SUCLG2: variants seen among roughly 807,000 people sequenced by gnomAD.
SUCLG2 encodes the protein succinate--CoA ligase [GDP-forming] subunit beta, mitochondrial.
SUCLG2 carries 42 observed loss-of-function variants against 47.9 expected under a neutral mutation model. That is an observed-to-expected ratio of 0.88 (90% confidence interval 0.69 to 1.14). SUCLG2 has a LOEUF of 1.14. SUCLG2 is among the 50% of genes most tolerant of loss of function. SUCLG2 has a pLI of 0.00. For missense variants in SUCLG2, 571 were observed against 525.9 expected (o/e 1.09, Z -0.84); for synonymous variants, 195 against 197.3 (o/e 0.99, Z 0.10).
chr3:67,383,757 A>G (rs1440982257), intron 10 of SUCLG2, among the ~76,000 whole-genome samples: 7 of 152,180 alleles, frequency 4.6e-5, no homozygotes, highest in African/African-American at 1.2e-4. Context: ...TTAACCCTTG[A>G]AAAAAAGCAA....
chr3:67,589,814 G>C (rs937672799), intron 2 of SUCLG2, among the ~76,000 whole-genome samples: 1 of 152,152 alleles, frequency 6.6e-6, no homozygotes, highest in African/African-American at 2.4e-5. Context: ...CACAGGCTAG[G>C]GGGAGGTAAT....
intron 9 of SUCLG2, among the ~76,000 whole-genome samples, chr3:67,465,320 A>T (rs1322515465): frequency 2.0e-5 from 3 of 152,072 alleles, no homozygotes; most frequent in Non-Finnish European, 4.4e-5. Context: ...CTTCACTCTC[A>T]GCGCCTCCTC....
At chr3:67,466,624 G>C (rs1205616761) in intron 9 of SUCLG2, among the ~76,000 whole-genome samples, 1 of 152,198 alleles carries the variant, frequency 6.6e-6, no homozygotes, top group African/African-American at 2.4e-5. Flanking sequence ...CATCCGGCAA[G>C]ATGAGATGAC....
chr3:67,431,724 A>G (rs1280340252), intron 9 of SUCLG2, among the ~76,000 whole-genome samples: 2 of 130,460 alleles, frequency 1.5e-5, no homozygotes, highest in Non-Finnish European at 3.2e-5. Context: ...AACATCACAC[A>G]CCGGGGCATG....
intron 9 of SUCLG2, among the ~76,000 whole-genome samples, chr3:67,440,364 A>T (rs555518682): frequency 2.0e-5 from 3 of 152,238 alleles, no homozygotes; most frequent in Non-Finnish European, 4.4e-5. Context: ...TGGCAACAAA[A>T]GCCAAAATTG....
chr3:67,383,550 A>G (rs188324973), intron 10 of SUCLG2, among the ~76,000 whole-genome samples: 426 of 152,280 alleles, frequency 2.8e-3, no homozygotes, highest in African/African-American at 9.6e-3. Context: ...TCAACACTCG[A>G]GGTGTGAATG....
chr3:67,457,117 T>A (rs967783138), intron 9 of SUCLG2, among the ~76,000 whole-genome samples: 3 of 151,352 alleles, frequency 2.0e-5, no homozygotes, highest in Non-Finnish European at 4.4e-5. Context: ...CATAAGACAA[T>A]CTAATGACTT....
intron 10 of SUCLG2, among the ~76,000 whole-genome samples, chr3:67,400,208 T>A (rs1425072949): frequency 6.6e-6 from 1 of 151,872 alleles, no homozygotes; most frequent in Non-Finnish European, 1.5e-5. Context: ...TACTAAAAAT[T>A]TTTTAAAATA....
At position 67,443,356 on chromosome 3, in the gene SUCLG2, C is replaced by CG. The variant is rs1298161910; in HGVS notation, c.1063-42506_1063-42505insC. Among the ~76,000 whole-genome samples, 4 of 60,242 alleles carry CG rather than the reference C, an allele frequency of 6.6e-5. 2 individuals carry two copies. The highest frequency in any genetic ancestry group is 1.2e-4 in the African/African-American group (2 of 16,672). The allele number at this position is 60,242 out of a possible 152,430, so 39.5% of individuals were successfully genotyped here. The stretch of plus-strand genomic sequence containing the variant: ...TCTTTGCCGCCGCGCCGGCGAGCGC[C>CG]CCTCGGGAGGCAGCGGCTGGAGGAG... On this transcript the variant is annotated intron_variant, in intron 9 of 10. Coordinates refer to ENST00000307227, the MANE Select transcript of SUCLG2 (RefSeq NM_003848.4).
chr3:67,587,666 A>T (rs2363091), intron 2 of SUCLG2, among the ~76,000 whole-genome samples: 141,076 of 152,248 alleles, frequency 0.93, 65,673 homozygotes, highest in East Asian at 0.99. Flanking sequence ...ATAACATGAG[A>T]TTGTACTGAA....
intron 10 of SUCLG2, chr3:67,376,562 A>G: frequency 1.1e-6 from 1 of 925,210 alleles, no homozygotes; most frequent in Non-Finnish European, 1.3e-6. Context: ...ATCCTACATC[A>G]TTTCCTGTGC....
rs779161675 is a variant in SUCLG2, at chr3:67,375,761, T to C, written c.1282A>G (p.Ser428Gly). The change falls in exon 11 of 11, where the codon AGT becomes GGT. Residue 428 changes from serine to glycine, a missense_variant. Coordinates refer to ENST00000307227, the MANE Select transcript of SUCLG2 (RefSeq NM_003848.4). Reference protein sequence around the residue: ...LEDAAKKAVASVAKK With the variant: ...LEDAAKKAVAGVAKK ...CAAAGACATCACTTCTTGGCCACAC[T>C]GGCCACAGCCTTCTTGGCTGCATCC... 2.5e-6 allele frequency: 4 copies of C among 1,613,346 alleles called. No homozygotes were observed. The highest frequency in any genetic ancestry group is 1.1e-5 in the South Asian group (1 of 90,948).
At chr3:67,438,731 T>C (rs1296077105) in intron 9 of SUCLG2, among the ~76,000 whole-genome samples, 2 of 152,130 alleles carry the variant, frequency 1.3e-5, no homozygotes, top group African/African-American at 2.4e-5. Flanking sequence ...GCTCTGAAAT[T>C]GAGGCAGTAA....
chr3:67,370,914 G>C (rs576274706), downstream of SUCLG2, among the ~76,000 whole-genome samples: 15 of 152,084 alleles, frequency 9.9e-5, no homozygotes, highest in African/African-American at 3.6e-4. Context: ...TTGTGATGTC[G>C]TTTCTGCTTT....
At chr3:67,514,625 G>C (rs1705891844) in intron 6 of SUCLG2, among the ~76,000 whole-genome samples, 1 of 152,120 alleles carries the variant, frequency 6.6e-6, no homozygotes, top group South Asian at 2.1e-4. Context: ...AGACACACTT[G>C]ACAAACTTGT....
intron 9 of SUCLG2, among the ~76,000 whole-genome samples, chr3:67,487,611 G>C (rs1705091469): frequency 6.6e-6 from 1 of 151,892 alleles, no homozygotes; most frequent in Non-Finnish European, 1.5e-5. Flanking sequence ...AAGTCATAAA[G>C]AGGCATTACA....
At chr3:67,391,715 G>A (rs907020108) in intron 10 of SUCLG2, among the ~76,000 whole-genome samples, 1 of 152,170 alleles carries the variant, frequency 6.6e-6, no homozygotes, top group African/African-American at 2.4e-5. Flanking sequence ...GCCCTTAGCT[G>A]AGTGGTGGAA....
intron 10 of SUCLG2, among the ~76,000 whole-genome samples, chr3:67,391,938 C>T (rs56836042): frequency 0.057 from 8,663 of 152,226 alleles, 314 homozygotes; most frequent in Middle Eastern, 0.13. Context: ...TGTTTCCCAC[C>T]TCCACCCACA....
At chr3:67,587,105 AC>A (rs1311661312) in intron 2 of SUCLG2, among the ~76,000 whole-genome samples, 2 of 152,230 alleles carry the variant, frequency 1.3e-5, no homozygotes, top group Non-Finnish European at 2.9e-5. Flanking sequence ...ATTCCAGTGA[AC>A]TAGGGAAGAA....
Sources: gnomAD v4.1 joint callset for allele counts (sites outside exome capture counted in the v4.1 genomes callset) on GRCh38, gnomAD v4.1.1 for gene constraint, MANE v1.5 for transcripts, NCBI Gene and HGNC (gene_info 2026-07-23, HGNC 2026-07-21) for gene names.